DPH6: variants seen among roughly 807,000 people sequenced by gnomAD.
The protein encoded by DPH6 is diphthine--ammonia ligase.
In DPH6, 33 loss-of-function variants were observed where a neutral mutation model predicts 38.2. The ratio of observed to expected loss-of-function variants is 0.86; its 90% CI spans 0.65 to 1.15. The LOEUF is 1.15. Ranked by LOEUF, DPH6 falls within the 50% of genes most tolerant of loss-of-function variation. The pLI is 0.00. For missense variants in DPH6, 325 were observed against 320.0 expected, an observed-to-expected ratio of 1.02 and a Z score of -0.12; for synonymous variants, 108 against 103.0, an observed-to-expected ratio of 1.05 and a Z score of -0.30.
chr15:35,339,236 C>G (rs1206900437), intron 3 of DPH6, among the ~76,000 whole-genome samples: 1 of 151,372 alleles, frequency 6.6e-6, no homozygotes, highest in African/African-American at 2.4e-5. Context: ...ACTGTTTTAG[C>G]TGCATCCCAG....
chr15:35,256,610 A>T (rs1462951784), intron 3 of DPH6, among the ~76,000 whole-genome samples: 1 of 152,208 alleles, frequency 6.6e-6, no homozygotes, highest in African/African-American at 2.4e-5. Context: ...ATATAATGGA[A>T]AGTACTTCAT....
chr15:35,511,922 T>C (rs935115271), intron 3 of DPH6, among the ~76,000 whole-genome samples: 1 of 152,204 alleles, frequency 6.6e-6, no homozygotes, highest in Non-Finnish European at 1.5e-5. Context: ...GCTATTATAA[T>C]ATTTAATCCA....
chr15:35,238,039 A>C, intron 3 of DPH6: 2 of 1,561,156 alleles, frequency 1.3e-6, no homozygotes, highest in East Asian at 2.2e-5. Context: ...GAGAACCTGA[A>C]GATGAGGGAG....
intron 3 of DPH6, among the ~76,000 whole-genome samples, chr15:35,299,906 G>A (rs1221535433): frequency 6.6e-6 from 1 of 152,108 alleles, no homozygotes; most frequent in Non-Finnish European, 1.5e-5. Context: ...ATAGTTCTAG[G>A]GCTCAACACA....
intron 3 of DPH6, among the ~76,000 whole-genome samples, chr15:35,280,908 C>T (rs1482129299): frequency 6.6e-6 from 1 of 152,090 alleles, no homozygotes; most frequent in South Asian, 2.1e-4. Flanking sequence ...CTTTTCTATG[C>T]TTTCTACTGG....
chr15:35,236,593 C>A (rs991749364), intron 3 of DPH6, among the ~76,000 whole-genome samples: 2 of 151,000 alleles, frequency 1.3e-5, no homozygotes, highest in African/African-American at 4.9e-5. Context: ...GAGCCCAGAT[C>A]GCGCCACTGC....
chr15:35,488,476 A>G (rs2054433721), intron 3 of DPH6, among the ~76,000 whole-genome samples: 1 of 152,232 alleles, frequency 6.6e-6, no homozygotes, highest in Admixed American at 6.5e-5. Context: ...GAAGCAAGAC[A>G]TGTCTTACAT....
At chr15:35,210,933 CATAG>C in the DPH6 span, among the ~76,000 whole-genome samples, 10 of 120,034 alleles carry the variant, frequency 8.3e-5, no homozygotes, top group Admixed American at 3.8e-4. Flanking sequence ...CTTCTAAGGA[CATAG>C]ATAGATCACT....
chr15:35,410,728 AT>A (rs1308911567), intron 6 of DPH6, 106 bp downstream of exon 6: 6 of 840,624 alleles, frequency 7.1e-6, no homozygotes, highest in Non-Finnish European at 8.9e-6. Flanking sequence ...TTATGAATGT[AT>A]TTGATTTTTA....
At chr15:35,244,811 GAC>G (rs767452507) in intron 3 of DPH6, among the ~76,000 whole-genome samples, 27 of 152,182 alleles carry the variant, frequency 1.8e-4, no homozygotes, top group Non-Finnish European at 3.1e-4. Context: ...GGGATAAGGA[GAC>G]AAAATTCTAG....
intron 3 of DPH6, among the ~76,000 whole-genome samples, chr15:35,514,622 T>C (rs1335837485): frequency 6.6e-6 from 1 of 152,176 alleles, no homozygotes; most frequent in Non-Finnish European, 1.5e-5. Flanking sequence ...GCAAATACCA[T>C]ATAGTGTTAC....
chr15:35,273,455 T>C (rs1470783151), intron 3 of DPH6, among the ~76,000 whole-genome samples: 1 of 152,206 alleles, frequency 6.6e-6, no homozygotes, highest in African/African-American at 2.4e-5. Context: ...TAAAGTCAAA[T>C]TGTCTGTTTG....
the DPH6 span, among the ~76,000 whole-genome samples, chr15:35,194,506 C>A: frequency 6.6e-6 from 1 of 152,172 alleles, no homozygotes; most frequent in Non-Finnish European, 1.5e-5. Flanking sequence ...TCAGAGCACA[C>A]AATAGCTCTA....
At chr15:35,494,222 T>A (rs2054519658) in intron 3 of DPH6, among the ~76,000 whole-genome samples, 1 of 152,178 alleles carries the variant, frequency 6.6e-6, no homozygotes, top group South Asian at 2.1e-4. Flanking sequence ...TTAATATTAC[T>A]GCCATTAATA....
In DPH6 at chr15:35,379,286, G is replaced by T. The variant is rs149795169; in HGVS notation, c.662+2536C>A. On this transcript the variant is annotated intron_variant, in intron 7 of 8. Coordinates refer to ENST00000256538, the MANE Select transcript of DPH6 (RefSeq NM_080650.4). The stretch of plus-strand genomic sequence containing the variant: ...GTAAAATTTATTTTTTCTCGCCTTA[G>T]AGGTAGTCTTCTTTTTTTGTAAAAA... 4.7e-3 allele frequency among the ~76,000 whole-genome samples: 711 copies of T among 152,252 alleles called. 4 individuals are homozygous for T. The highest frequency in any genetic ancestry group is 0.017 in the African/African-American group (690 of 41,528).
chr15:35,467,234 C>G (rs1283157525), intron 3 of DPH6, among the ~76,000 whole-genome samples: 1 of 152,020 alleles, frequency 6.6e-6, no homozygotes, highest in African/African-American at 2.4e-5. Flanking sequence ...ATTTTTAAAA[C>G]ATTTTATTTT....
At chr15:35,187,480 T>C in the DPH6 span, among the ~76,000 whole-genome samples, 10 of 152,290 alleles carry the variant, frequency 6.6e-5, no homozygotes, top group South Asian at 1.9e-3. Context: ...TGTTTATACG[T>C]TGGGGAATAC....
intron 6 of DPH6, among the ~76,000 whole-genome samples, chr15:35,407,859 T>C (rs573039187): frequency 6.6e-6 from 1 of 151,980 alleles, no homozygotes; most frequent in Non-Finnish European, 1.5e-5. Context: ...TCGTACAGGG[T>C]CTCACAAGTT....
chr15:35,242,086 A>C, intron 3 of DPH6, among the ~76,000 whole-genome samples: 2 of 143,886 alleles, frequency 1.4e-5, no homozygotes, highest in African/African-American at 2.5e-5. Flanking sequence ...TTTCACTTGG[A>C]CTGACCCTGA....
Sources: allele counts gnomAD v4.1 joint callset (sites outside exome capture counted in the v4.1 genomes callset), GRCh38; gene constraint gnomAD v4.1.1; transcripts MANE v1.5; gene names NCBI Gene and HGNC (gene_info 2026-07-23, HGNC 2026-07-21).